The following GBP5 variants were observed in gnomAD, a reference collection of about 807,000 sequenced individuals.
The protein encoded by GBP5 is guanylate binding protein 5.
GBP5 carries 48 observed loss-of-function variants against 58.2 expected under a neutral mutation model. The observed-to-expected ratio is 0.83, with a 90% CI of 0.65 to 1.05. GBP5 has a LOEUF of 1.05. Among genes scored for constraint, GBP5 ranks in the 50% least tolerant of loss-of-function variants. The probability of loss-of-function intolerance (pLI) is 0.00; values close to 1 mark genes in which losing one functional copy is unlikely to be tolerated. For synonymous variants in GBP5, 248 were observed against 251.8 expected, an observed-to-expected ratio of 0.98 and a Z score of 0.14; for missense variants, 714 against 686.8, an observed-to-expected ratio of 1.04 and a Z score of -0.44.
At chr1:89,262,659 G>T in intron 10 of GBP5, 24 bp downstream of exon 10, 1 of 1,463,324 alleles carries the variant, frequency 6.8e-7, no homozygotes, top group Non-Finnish European at 9.6e-7. Context: ...TTTCTATCTT[G>T]CATAATTTCC....
chr1:89,272,165 T>C (rs1650482229), intron 1 of GBP5: 1 of 152,166 alleles, frequency 6.6e-6, no homozygotes, highest in African/African-American at 2.4e-5. Flanking sequence ...GTAACTTAAG[T>C]GGAAATTATG....
chr1:89,261,313 A>G (rs561108863), intron 11 of GBP5, among the ~76,000 whole-genome samples: 2 of 152,328 alleles, frequency 1.3e-5, no homozygotes, highest in East Asian at 3.9e-4. Flanking sequence ...ACTGCTCTTT[A>G]GGAAGGAGCT....
chr1:89,268,584 A>G (rs1435579278), intron 4 of GBP5, 145 bp downstream of exon 4: 2 of 799,704 alleles, frequency 2.5e-6, no homozygotes, highest in Non-Finnish European at 4.1e-6. Context: ...AGGCTTCCAA[A>G]CTCTGAATAT....
In GBP5 at chr1:89,268,752, C is replaced by T. The variant is rs138002260; in HGVS notation, c.295G>A (p.Glu99Lys). 19 of 1,613,848 alleles carry T rather than the reference C, an allele frequency of 1.2e-5. No homozygotes were observed. Among genetic ancestry groups the T allele is most frequent in the South Asian group, 2.2e-5 (2 of 91,082 alleles). Residue 99 changes from glutamate (E) to lysine (K), a missense_variant, in exon 4 of 12, where the codon GAG (glutamate) becomes AAG (lysine). By Grantham distance (56) the Glu-to-Lys change is moderately conservative. Transcript: ENST00000370459. ...PNHTLVLLDT[E>K]GLGDVEKADN... ...ACCTTCTCTACATCTCCCAGGCCCT[C>T]GGTGTCAAGCAGAACTAATGTGTGA...
intron 8 of GBP5, 150 bp downstream of exon 8, chr1:89,264,536 T>G (rs1650132118): frequency 2.9e-6 from 2 of 693,634 alleles, no homozygotes; most frequent in African/African-American, 1.8e-5. Context: ...TGTTTGCTCA[T>G]TTGTTTTCAG....
At position 89,258,420 on chromosome 1, in the gene GBP5, T is replaced by C. The variant is rs1207432333; in HGVS notation, c.*2284A>G. 6.6e-6 allele frequency among the ~76,000 whole-genome samples: 1 copy of C among 152,206 alleles called. No individual in the cohort carries two copies. Among genetic ancestry groups the C allele is most frequent in the Non-Finnish European group, 1.5e-5 (1 of 68,040 alleles). On this transcript the variant is annotated 3_prime_UTR_variant, in exon 12 of 12. Transcript: ENST00000370459. ...GATAACATTTCCTTGGATGATAAAA[T>C]GTATTTTTTTCTTTATAAATTGCAC... is the stretch of plus-strand genomic sequence containing the variant.
At chr1:89,263,524 C>T (rs1220752111) in intron 9 of GBP5, 10 of 474,450 alleles carry the variant, frequency 2.1e-5, no homozygotes, top group Non-Finnish European at 3.8e-5. Context: ...TCAGTTTAAC[C>T]CCACTGCTAC....
In GBP5 at chr1:89,256,576, T is replaced by C. The variant is rs1215730262; in HGVS notation, c.*4128A>G. ...GGATGTAACTAACTAAAATATTGCT[T>C]TGAAAGGGAACAAAGATTGTGTTGA... On this transcript the variant is annotated 3_prime_UTR_variant, in exon 12 of 12. Coordinates refer to ENST00000370459, the MANE Select transcript of GBP5 (RefSeq NM_052942.5). 1.3e-5 allele frequency among the ~76,000 whole-genome samples: 2 copies of C among 152,210 alleles called. No homozygotes were observed. The highest frequency in any genetic ancestry group is 3.8e-4 in the East Asian group (2 of 5,206).
chr1:89,261,995 C>T, intron 11 of GBP5: 1 of 552,400 alleles, frequency 1.8e-6, no homozygotes, highest in South Asian at 2.5e-5. Flanking sequence ...ACATAGATAT[C>T]ATCACTGTGT....
In GBP5 at chr1:89,257,309, G is replaced by A. The variant is rs369663276; in HGVS notation, c.*3395C>T. Among the ~76,000 whole-genome samples the A allele has an allele frequency of 6.6e-6, 1 of 152,074 alleles. No individual in the cohort carries two copies. The highest frequency in any genetic ancestry group is 1.9e-4 in the East Asian group (1 of 5,190). On this transcript the variant is annotated 3_prime_UTR_variant, in exon 12 of 12. Transcript: ENST00000370459. ...TTTATGAAGCCATCAGATCTCAGGC[G>A]ACTTATTCACTATCATGAAAAAAGC...
Position 89,260,660 on chromosome 1 carries a change from T to C in GBP5, c.*44A>G, listed in dbSNP as rs1401864491. On this transcript the variant is annotated 3_prime_UTR_variant, in exon 12 of 12. Transcript: ENST00000370459. The stretch of plus-strand genomic sequence containing the variant: ...CTACAGTTTCTTTTCTGTTGTGTCA[T>C]CAGTGACAAAGAGTAAAAAAAGGAA... 8.9e-7 allele frequency: 1 copy of C among 1,125,846 alleles called. No individual in the cohort carries two copies. The highest frequency in any genetic ancestry group is 1.5e-5 in the African/African-American group (1 of 64,904). 69.7% of individuals were successfully genotyped at this position (1,125,846 alleles called of 1,614,324 possible). A position where few individuals can be genotyped will look rare whatever the true frequency, so the allele number is the denominator to read the frequency against.
At position 89,263,774 on chromosome 1, in the gene GBP5, T is replaced by C. The variant is rs200944849; in HGVS notation, c.1324A>G (p.Lys442Glu). 8.7e-6 allele frequency: 14 copies of C among 1,613,854 alleles called. No individual in the cohort carries two copies. The East Asian group carries it at 3.1e-4, about 36-fold the overall frequency. ...NLFIQKTEEL[K>E]AKYYREPRKG... ...CGAGGCTCCCGATAGTACTTTGCCT[T>C]CAGTTCTTCTGTTTTCTGAATGAAG... Residue 442 changes from lysine (K) to glutamate (E), a missense_variant, in exon 9 of 12, where the codon AAG becomes GAG. Lys to Glu is a moderately conservative substitution (Grantham distance 56, BLOSUM62 1). Coordinates refer to ENST00000370459, the MANE Select transcript of GBP5 (RefSeq NM_052942.5).
At chr1:89,264,663 T>C in intron 8 of GBP5, 23 bp downstream of exon 8, 5 of 1,607,640 alleles carry the variant, frequency 3.1e-6, no homozygotes, top group Non-Finnish European at 4.3e-6. Flanking sequence ...TTAATCCCCA[T>C]GAACTAGAAA....
rs753055650 is a variant in GBP5 at position 89,256,917 on chromosome 1, G to A, written c.*3787C>T. ...TGGACTTTCTATTCTGTTGGTGATC[G>A]TTATACACTAGAGTCATTACCACAT... On this transcript the variant is annotated 3_prime_UTR_variant, in exon 12 of 12. Transcript: ENST00000370459. Among the ~76,000 whole-genome samples, 3 of 151,970 alleles carry A rather than the reference G, an allele frequency of 2.0e-5. No homozygotes were observed. Among genetic ancestry groups the A allele is most frequent in the African/African-American group, 7.3e-5 (3 of 41,358 alleles).
rs147424374 is a variant in GBP5 at position 89,266,302 on chromosome 1, T to C, written c.868+44A>G. ...ATAATCTTATAAAAAGTGTCCCTTA[T>C]AGTTTACATTAAATTGAAGGAAAAT... On this transcript the variant is annotated intron_variant, in intron 7 of 11. Coordinates refer to ENST00000370459, the MANE Select transcript of GBP5 (RefSeq NM_052942.5). 1.2e-4 allele frequency: 183 copies of C among 1,542,364 alleles called. No homozygotes were observed. The African/African-American group carries it at 2.1e-3, about 18-fold the overall frequency.
intron 6 of GBP5, 99 bp downstream of exon 6, chr1:89,266,857 AT>A: frequency 1.3e-6 from 1 of 747,894 alleles, no homozygotes; most frequent in Non-Finnish European, 2.1e-6. Context: ...GGGTGAATAT[AT>A]ATATATATAG....
chr1:89,257,574 T>C lies in GBP5; in HGVS notation c.*3130A>G, dbSNP rs1030113205. Among the ~76,000 whole-genome samples the C allele has an allele frequency of 5.3e-5, 8 of 152,234 alleles. No individual in the cohort carries two copies. The highest frequency in any genetic ancestry group is 1.9e-4 in the African/African-American group (8 of 41,470). On this transcript the variant is annotated 3_prime_UTR_variant, in exon 12 of 12. Transcript: ENST00000370459. Reference sequence around the variant, plus strand: ...AATGCTTTAACAATAATAACTTTAATAATGATAACACTAACATACATTGAT... The same window carrying C: ...AATGCTTTAACAATAATAACTTTAACAATGATAACACTAACATACATTGAT...
rs1161468830 is a variant in GBP5, at chr1:89,264,956, G to C, written c.879C>G (p.Asn293Lys). 1.2e-6 allele frequency: 2 copies of C among 1,611,968 alleles called. No homozygotes were observed. Among genetic ancestry groups the C allele is most frequent in the Non-Finnish European group, 8.5e-7 (1 of 1,178,218 alleles). ...GIMVNGSRLK[N>K]LVLTYVNAIS... ...TGGCATTGACATAGGTCAGCACCAG[G>C]TTCTTTAGACCTTCATGGAAGAAAG... Residue 293 changes from asparagine to lysine, a missense_variant, in exon 8 of 12, where the codon AAC (asparagine) becomes AAG (lysine). Asn to Lys is a moderately conservative substitution (Grantham distance 94). Transcript: ENST00000370459.
intron 4 of GBP5, 145 bp from the exon 5 acceptor site, chr1:89,267,671 A>G (rs1182984986): frequency 4.9e-6 from 3 of 618,090 alleles, no homozygotes; most frequent in Non-Finnish European, 8.6e-6. Context: ...TCTTGTTAAC[A>G]TTGATAATTT....
Sources: allele counts gnomAD v4.1 joint callset (sites outside exome capture counted in the v4.1 genomes callset), GRCh38; gene constraint gnomAD v4.1.1; transcripts MANE v1.5; gene names NCBI Gene and HGNC (gene_info 2026-07-23, HGNC 2026-07-21).